OCRL: variants seen among roughly 807,000 people sequenced by gnomAD.
OCRL encodes the protein inositol polyphosphate 5-phosphatase OCRL.
OCRL carries 8 observed loss-of-function variants against 78.9 expected under a neutral mutation model. That is an observed-to-expected ratio of 0.10 (90% confidence interval 0.06 to 0.18). The LOEUF is 0.18. Ranked by LOEUF, OCRL falls within the 10% of genes least tolerant of loss-of-function variation. The probability of loss-of-function intolerance (pLI) is 1.00; values close to 1 mark genes in which losing one functional copy is unlikely to be tolerated. For synonymous variants in OCRL, 240 were observed against 235.4 expected, an observed-to-expected ratio of 1.02 and a Z score of -0.18; for missense variants, 454 against 696.7, an observed-to-expected ratio of 0.65 and a Z score of 3.92.
intron 2 of OCRL, among the ~76,000 whole-genome samples, chrX:129,542,285 A>G (rs1225990948): frequency 9.3e-6 from 1 of 107,047 alleles, no homozygotes; most frequent in East Asian, 2.9e-4. Flanking sequence ...AGTTGGGGGT[A>G]TATGTGGGGG....
At position 129,576,556 on chromosome X, in the gene OCRL, A is replaced by G. The variant is rs1326476020; in HGVS notation, c.2115+4A>G. On this transcript the variant is annotated splice_donor_region_variant and intron_variant, in intron 18 of 23. Coordinates refer to ENST00000371113, the MANE Select transcript of OCRL (RefSeq NM_000276.4). ...TGTTACCAAACTCATAGACTTGGTAAGAACTGTCCCAAGACATAAACCTCT... is the reference window on the plus strand; with the variant it reads ...TGTTACCAAACTCATAGACTTGGTAGGAACTGTCCCAAGACATAAACCTCT... 6.1e-6 allele frequency: 7 copies of G among 1,143,534 alleles called. No homozygotes were observed. Among genetic ancestry groups the G allele is most frequent in the Non-Finnish European group, 8.4e-6 (7 of 835,067 alleles). The allele number at this position is 1,143,534 out of a possible 1,213,427, so 94.2% of individuals were successfully genotyped here.
In OCRL at chrX:129,564,531, C is replaced by T. The variant is rs1936189503; in HGVS notation, c.1245-1241C>T. Among the ~76,000 whole-genome samples the T allele has an allele frequency of 2.7e-5, 3 of 111,018 alleles. No homozygotes were observed. In the Admixed American group the frequency reaches 2.9e-4, roughly 11 times the overall value. On this transcript the variant is annotated intron_variant, in intron 12 of 23. Coordinates refer to ENST00000371113, the MANE Select transcript of OCRL (RefSeq NM_000276.4). The stretch of plus-strand genomic sequence containing the variant: ...TGTGGCACATATACACCATGGAATA[C>T]TATGCAGCCATAAAAAATGATGAGC...
chrX:129,573,190 G>A (rs1936324611), intron 15 of OCRL, among the ~76,000 whole-genome samples: 1 of 111,376 alleles, frequency 9.0e-6, no homozygotes, highest in South Asian at 3.8e-4. Context: ...ACTTGACTCA[G>A]CTTTGATGTT....
intron 14 of OCRL, 37 bp downstream of exon 14, chrX:129,567,400 G>A (rs763438585): frequency 1.4e-5 from 14 of 971,131 alleles, no homozygotes; most frequent in Non-Finnish European, 2.1e-5. Context: ...AGAAGGTTAA[G>A]GCTTGATCTT....
At chrX:129,564,864 A>T (rs1936196020) in intron 12 of OCRL, among the ~76,000 whole-genome samples, 1 of 111,290 alleles carries the variant, frequency 9.0e-6, no homozygotes, top group Non-Finnish European at 1.9e-5. Flanking sequence ...TAAAACTTAT[A>T]ATAATAAAAT....
chrX:129,561,601 T>C (rs761010524), intron 10 of OCRL, among the ~76,000 whole-genome samples: 146 of 112,479 alleles, frequency 1.3e-3, no homozygotes, highest in African/African-American at 4.5e-3. Flanking sequence ...ATGGTCAGAA[T>C]TGAATGCTTT....
At chrX:129,583,660 A>C (rs1249419326) in intron 18 of OCRL, among the ~76,000 whole-genome samples, 3 of 112,055 alleles carry the variant, frequency 2.7e-5, no homozygotes, top group Non-Finnish European at 5.6e-5. Context: ...TAATAACAGC[A>C]TAAAAGATAG....
At chrX:129,544,496 C>T (rs930618120) in intron 2 of OCRL, among the ~76,000 whole-genome samples, 2 of 111,516 alleles carry the variant, frequency 1.8e-5, no homozygotes, top group African/African-American at 6.5e-5. Context: ...GGTAAAAAGC[C>T]ATGGGAATAT....
At chrX:129,567,127 T>A (rs1052141953) in intron 13 of OCRL, 127 bp from the exon 14 acceptor site, 3 of 515,927 alleles carry the variant, frequency 5.8e-6, no homozygotes, top group African/African-American at 2.3e-5. Flanking sequence ...ATTTATGTAC[T>A]CTCACTACAG....
At chrX:129,567,907 T>C (rs973328058) in intron 14 of OCRL, among the ~76,000 whole-genome samples, 21 of 99,669 alleles carry the variant, frequency 2.1e-4, no homozygotes, top group Non-Finnish European at 3.9e-4. Flanking sequence ...AGACCCTTTT[T>C]TTTTTTTTTT....
At chrX:129,584,828 C>T (rs989381656) in intron 19 of OCRL, among the ~76,000 whole-genome samples, 1 of 111,838 alleles carries the variant, frequency 8.9e-6, no homozygotes, top group African/African-American at 3.3e-5. Context: ...AGAATAGAAC[C>T]GTGGACCTGA....
intron 13 of OCRL, 61 bp from the exon 14 acceptor site, chrX:129,567,193 G>T: frequency 1.2e-6 from 1 of 800,373 alleles, no homozygotes; most frequent in Non-Finnish European, 1.9e-6. Flanking sequence ...TTATCAACCT[G>T]ATTATCTCTT....
chrX:129,555,828 AT>A (rs1234007611), intron 4 of OCRL, among the ~76,000 whole-genome samples: 1 of 112,204 alleles, frequency 8.9e-6, no homozygotes, highest in Non-Finnish European at 1.9e-5. Flanking sequence ...TTTGTTCTAA[AT>A]TTATGTCAGA....
At chrX:129,557,692 C>A (rs932910094) in intron 5 of OCRL, among the ~76,000 whole-genome samples, 169 bp from the exon 6 acceptor site, 1 of 111,703 alleles carries the variant, frequency 9.0e-6, no homozygotes, top group African/African-American at 3.3e-5. Flanking sequence ...TCTCCTTCTG[C>A]CCCTAGATGA....
rs35415909 is a variant in OCRL, at chrX:129,581,725, CTG to C, written c.2116-2593_2116-2592del. ...ATTATATATATATATATACACACAC[CTG>C]TGTGTGTGTGTGTGTGTGTGTGTGT... On this transcript the variant is annotated intron_variant, in intron 18 of 23. Transcript: ENST00000371113. Among the ~76,000 whole-genome samples the C allele has an allele frequency of 6.5e-3, 600 of 92,118 alleles. 3 individuals carry two copies. Among genetic ancestry groups the C allele is most frequent in the Middle Eastern group, 0.016 (3 of 190 alleles). 80.0% of individuals were successfully genotyped at this position (92,118 alleles called of 115,157 possible).
rs16289 is a variant in OCRL, at chrX:129,584,502, G to A, written c.2139+135G>A. 9.0e-3 allele frequency: 5,214 copies of A among 577,835 alleles called. 68 individuals carry two copies. The highest frequency in any genetic ancestry group is 0.06 in the East Asian group (1,786 of 29,790). 47.6% of individuals were successfully genotyped at this position (577,835 alleles called of 1,213,427 possible). A position where few individuals can be genotyped will look rare whatever the true frequency, so the allele number is the denominator to read the frequency against. ...GGTGAGACTCCCCTAAAGTCCTGCCGGCTGTCCTTAAGTGTGTTTGAAGTA... is the reference window on the plus strand; with the variant it reads ...GGTGAGACTCCCCTAAAGTCCTGCCAGCTGTCCTTAAGTGTGTTTGAAGTA... On this transcript the variant is annotated intron_variant, in intron 19 of 23. Transcript: ENST00000371113.
At chrX:129,561,375 C>A in intron 10 of OCRL, 82 bp downstream of exon 10, 1 of 605,234 alleles carries the variant, frequency 1.7e-6, no homozygotes, top group East Asian at 3.3e-5. Context: ...CAACTTGTTC[C>A]AAAAGAATAG....
intron 15 of OCRL, among the ~76,000 whole-genome samples, chrX:129,572,956 G>T (rs1936322002): frequency 8.9e-6 from 1 of 112,083 alleles, no homozygotes; most frequent in South Asian, 3.7e-4. Flanking sequence ...TCAACTATCG[G>T]AACAAAAATA....
At chrX:129,564,631 A>T (rs1376296013) in intron 12 of OCRL, among the ~76,000 whole-genome samples, 1 of 110,695 alleles carries the variant, frequency 9.0e-6, no homozygotes, top group Non-Finnish European at 1.9e-5. Context: ...ACAAAAAACC[A>T]AACACTGCAT....
Sources: allele counts gnomAD v4.1 joint callset (sites outside exome capture counted in the v4.1 genomes callset), GRCh38; gene constraint gnomAD v4.1.1; transcripts MANE v1.5; gene names NCBI Gene and HGNC (gene_info 2026-07-23, HGNC 2026-07-21).